Variants in EEPD1 observed in about 807,000 individuals in gnomAD.
EEPD1 encodes the protein endonuclease/exonuclease/phosphatase family domain containing 1.
A neutral mutation model predicts 46.3 loss-of-function variants in EEPD1; 17 were observed. The ratio of observed to expected loss-of-function variants is 0.37; its 90% CI spans 0.25 to 0.55. EEPD1 has a LOEUF of 0.55. EEPD1 is among the 20% of genes least tolerant of loss of function. EEPD1 has a pLI of 0.83. For missense variants in EEPD1, 673 were observed against 745.6 expected (o/e 0.90, Z 1.13); for synonymous variants, 313 against 315.6 (o/e 0.99, Z 0.09).
chr7:36,208,214 G>A (rs1175735021), intron 2 of EEPD1, among the ~76,000 whole-genome samples: 7 of 152,122 alleles, frequency 4.6e-5, no homozygotes, highest in Admixed American at 6.5e-5. Context: ...TGGGGGTGGG[G>A]TAGGCAGGCT....
chr7:36,295,805 C>T (rs1314010066), intron 6 of EEPD1, among the ~76,000 whole-genome samples: 9 of 151,922 alleles, frequency 5.9e-5, no homozygotes, highest in Non-Finnish European at 1.2e-4. Context: ...GAGAGGCGGA[C>T]GGATCACTTG....
chr7:36,239,134 GA>G, intron 3 of EEPD1, 98 bp downstream of exon 3: 1 of 1,167,820 alleles, frequency 8.6e-7, no homozygotes, highest in Non-Finnish European at 1.3e-6. Context: ...AGCCCCTACT[GA>G]AAAGACGGTC....
At chr7:36,222,474 A>C (rs556574767) in intron 2 of EEPD1, among the ~76,000 whole-genome samples, 2 of 152,192 alleles carry the variant, frequency 1.3e-5, no homozygotes, top group South Asian at 4.1e-4. Context: ...CACAATTCAA[A>C]CCTGTATTGT....
chr7:36,172,805 A>C (rs566431987), intron 2 of EEPD1, among the ~76,000 whole-genome samples: 5 of 48,566 alleles, frequency 1.0e-4, no homozygotes, highest in African/African-American at 2.2e-4. Context: ...AATTAACCAA[A>C]CCCAAAAAAA....
chr7:36,251,406 G>C (rs1045938875), intron 3 of EEPD1, among the ~76,000 whole-genome samples: 7 of 152,254 alleles, frequency 4.6e-5, no homozygotes, highest in African/African-American at 1.7e-4. Flanking sequence ...CGCCTCCCGG[G>C]TTCAAGCAAT....
At chr7:36,268,805 A>G (rs979966105) in intron 3 of EEPD1, among the ~76,000 whole-genome samples, 5 of 152,166 alleles carry the variant, frequency 3.3e-5, no homozygotes, top group Admixed American at 2.6e-4. Flanking sequence ...AATAGCAAAT[A>G]CGTGAGGCGG....
intron 2 of EEPD1, among the ~76,000 whole-genome samples, chr7:36,234,794 G>A (rs1353160685): frequency 1.3e-5 from 2 of 152,146 alleles, no homozygotes; most frequent in Non-Finnish European, 2.9e-5. Context: ...AATGACCAGT[G>A]AGCATTCTGG....
At chr7:36,209,991 C>A (rs912503412) in intron 2 of EEPD1, among the ~76,000 whole-genome samples, 1 of 151,780 alleles carries the variant, frequency 6.6e-6, no homozygotes, top group Non-Finnish European at 1.5e-5. Context: ...GAAAAGCTCC[C>A]TTAGAGGGTG....
intron 4 of EEPD1, among the ~76,000 whole-genome samples, chr7:36,284,439 C>A (rs1242637263): frequency 1.3e-5 from 2 of 152,220 alleles, no homozygotes; most frequent in Non-Finnish European, 2.9e-5. Context: ...CACCTCCCCC[C>A]AAAGACAGAA....
intron 2 of EEPD1, among the ~76,000 whole-genome samples, chr7:36,173,337 A>AAC (rs1785123055): frequency 6.7e-6 from 1 of 150,310 alleles, no homozygotes; most frequent in East Asian, 2.0e-4. Context: ...AAAAAAAAAA[A>AAC]AAAAAAAAAA....
Position 36,217,454 on chromosome 7 carries a change from G to T in EEPD1, c.879-21531G>T, listed in dbSNP as rs140704762. On this transcript the variant is annotated intron_variant, in intron 2 of 7. Transcript: ENST00000242108. Reference sequence around the variant, plus strand: ...ACCATCTTGGTTTTGGTAGGGTTGGGCCAGCTTCTTTACTGCAGCCTCTTT... The same window carrying T: ...ACCATCTTGGTTTTGGTAGGGTTGGTCCAGCTTCTTTACTGCAGCCTCTTT... Among the ~76,000 whole-genome samples the T allele has an allele frequency of 3.6e-3, 541 of 152,342 alleles. 4 individuals are homozygous for T. The highest frequency in any genetic ancestry group is 0.012 in the African/African-American group (508 of 41,576).
chr7:36,298,933 A>G, intron 7 of EEPD1, 74 bp from the exon 8 acceptor site: 3 of 1,542,920 alleles, frequency 1.9e-6, no homozygotes, highest in Non-Finnish European at 2.6e-6. Flanking sequence ...GTGACCCTCC[A>G]CCTGCCAATC....
chr7:36,246,206 C>A (rs1307347938), intron 3 of EEPD1, among the ~76,000 whole-genome samples: 3 of 152,144 alleles, frequency 2.0e-5, no homozygotes, highest in Admixed American at 6.5e-5. Flanking sequence ...GGCCACCCAC[C>A]TGGTGGCCTT....
intron 6 of EEPD1, among the ~76,000 whole-genome samples, chr7:36,290,069 T>C (rs1038603996): frequency 3.9e-5 from 6 of 152,226 alleles, no homozygotes; most frequent in African/African-American, 1.4e-4. Context: ...TGTCCACCTA[T>C]AGTTAGACTC....
At chr7:36,254,331 A>G (rs1786796692) in intron 3 of EEPD1, among the ~76,000 whole-genome samples, 1 of 151,904 alleles carries the variant, frequency 6.6e-6, no homozygotes, top group Admixed American at 6.6e-5. Flanking sequence ...CCCTGCGTCC[A>G]TGTGTTCTCA....
intron 2 of EEPD1, among the ~76,000 whole-genome samples, chr7:36,232,958 A>G (rs1194193316): frequency 1.3e-5 from 2 of 152,156 alleles, no homozygotes; most frequent in Non-Finnish European, 2.9e-5. Context: ...AATAGAGCTG[A>G]ATATTTTAAC....
chr7:36,280,362 A>T (rs1438893185), intron 3 of EEPD1, among the ~76,000 whole-genome samples: 1 of 152,134 alleles, frequency 6.6e-6, no homozygotes, highest in African/African-American at 2.4e-5. Flanking sequence ...GTGGTTAGAG[A>T]AATAAACAAG....
At chr7:36,276,909 A>G (rs1262146974) in intron 3 of EEPD1, among the ~76,000 whole-genome samples, 1 of 152,228 alleles carries the variant, frequency 6.6e-6, no homozygotes, top group Non-Finnish European at 1.5e-5. Context: ...TGCAGGCCAG[A>G]CTGGTCTGGG....
At chr7:36,296,909 C>T (rs1224447142) in intron 6 of EEPD1, 84 bp from the exon 7 acceptor site, 4 of 1,412,804 alleles carry the variant, frequency 2.8e-6, no homozygotes, top group African/African-American at 1.4e-5. Context: ...CAGAGAATCT[C>T]AATCCCGTTT....
Sources: allele counts gnomAD v4.1 joint callset (sites outside exome capture counted in the v4.1 genomes callset), GRCh38; gene constraint gnomAD v4.1.1; transcripts MANE v1.5; gene names NCBI Gene and HGNC (gene_info 2026-07-23, HGNC 2026-07-21).